The following CNTNAP5 variants were observed in gnomAD, a reference collection of about 807,000 sequenced individuals.
The protein encoded by CNTNAP5 is contactin-associated protein-like 5.
In CNTNAP5, 72 loss-of-function variants were observed where a neutral mutation model predicts 150.2. That is an observed-to-expected ratio of 0.48 (90% CI 0.40 to 0.58). CNTNAP5 has a LOEUF of 0.58. CNTNAP5 is among the 20% of genes least tolerant of loss of function. CNTNAP5 has a pLI of 0.00. For missense variants in CNTNAP5, 1,636 were observed against 1,626.2 expected, an observed-to-expected ratio of 1.01 and a Z score of -0.10; for synonymous variants, 672 against 619.8, an observed-to-expected ratio of 1.08 and a Z score of -1.25.
chr2:124,541,731 T>C (rs982287862), intron 10 of CNTNAP5, among the ~76,000 whole-genome samples: 12 of 152,126 alleles, frequency 7.9e-5, no homozygotes, highest in African/African-American at 2.7e-4. Flanking sequence ...ATCTGAGAAG[T>C]AGAGGAAAGC....
chr2:124,527,890 A>G (rs1189463874), intron 10 of CNTNAP5, among the ~76,000 whole-genome samples: 1 of 152,142 alleles, frequency 6.6e-6, no homozygotes, highest in Non-Finnish European at 1.5e-5. Context: ...GAAATGCCCA[A>G]TAACACACAA....
At chr2:124,581,758 A>T (rs1018017943) in intron 11 of CNTNAP5, among the ~76,000 whole-genome samples, 1 of 152,176 alleles carries the variant, frequency 6.6e-6, no homozygotes, top group Non-Finnish European at 1.5e-5. Context: ...AAGAAATGTG[A>T]GGTGAAGCCC....
In CNTNAP5 at chr2:124,487,680, C is replaced by G. The variant is rs144669916; in HGVS notation, c.1062+12798C>G. On this transcript the variant is annotated intron_variant, in intron 7 of 23. Transcript: ENST00000682447. ...TTCATGTGCATGGGCACATATAATC[C>G]TCCATATTGCAATCATAATGAATGC... Among the ~76,000 whole-genome samples the G allele has an allele frequency of 2.0e-3, 306 of 152,048 alleles. 1 individual carries two copies. Among genetic ancestry groups the G allele is most frequent in the African/African-American group, 6.9e-3 (288 of 41,500 alleles).
chr2:124,901,635 A>G (rs1008279045), intron 21 of CNTNAP5, among the ~76,000 whole-genome samples: 1 of 152,182 alleles, frequency 6.6e-6, no homozygotes, highest in African/African-American at 2.4e-5. Flanking sequence ...GCAGACTTCA[A>G]ACACACAGAA....
chr2:124,428,372 G>A (rs1001206807), intron 4 of CNTNAP5, among the ~76,000 whole-genome samples: 1 of 152,158 alleles, frequency 6.6e-6, no homozygotes, highest in Non-Finnish European at 1.5e-5. Context: ...CTTAGTCCTC[G>A]AGAGCAGGGA....
chr2:124,090,027 T>C (rs4241118), intron 1 of CNTNAP5, among the ~76,000 whole-genome samples: 147,806 of 152,356 alleles, frequency 0.97, 71,852 homozygotes, highest in East Asian at 1. Flanking sequence ...TCCATCTTTA[T>C]ATTCCTGGCA....
intron 3 of CNTNAP5, among the ~76,000 whole-genome samples, chr2:124,404,626 T>C (rs960203519): frequency 6.6e-6 from 1 of 152,232 alleles, no homozygotes; most frequent in Admixed American, 6.5e-5. Flanking sequence ...GAATGCTGAC[T>C]GATACTCTTT....
chr2:124,683,815 T>G (rs1021565300), intron 13 of CNTNAP5, among the ~76,000 whole-genome samples: 1 of 152,202 alleles, frequency 6.6e-6, no homozygotes, highest in Admixed American at 6.5e-5. Flanking sequence ...GAAAAAAAAG[T>G]TTTCTAGTCA....
At chr2:124,201,088 G>A (rs1274940923) in intron 1 of CNTNAP5, among the ~76,000 whole-genome samples, 1 of 152,098 alleles carries the variant, frequency 6.6e-6, no homozygotes, top group African/African-American at 2.4e-5. Flanking sequence ...TGAAGAGCAG[G>A]GCTTGTAAAT....
chr2:124,169,576 G>A lies in CNTNAP5; in HGVS notation c.83-52129G>A, dbSNP rs531423648. Among the ~76,000 whole-genome samples the A allele has an allele frequency of 9.9e-5, 15 of 152,216 alleles. No individual in the cohort carries two copies. The East Asian group carries it at 1.2e-3, about 12-fold the overall frequency. Reference sequence around the variant, plus strand: ...TTCATTTTTAGAAAAGTAATAAATCGTAATGCAATGGTGCACTTCCAGCAA... The same window carrying A: ...TTCATTTTTAGAAAAGTAATAAATCATAATGCAATGGTGCACTTCCAGCAA... On this transcript the variant is annotated intron_variant, in intron 1 of 23. Coordinates refer to ENST00000682447, the MANE Select transcript of CNTNAP5 (RefSeq NM_001367498.1).
intron 20 of CNTNAP5, among the ~76,000 whole-genome samples, chr2:124,868,803 G>A (rs985514234): frequency 6.6e-6 from 1 of 152,080 alleles, no homozygotes; most frequent in African/African-American, 2.4e-5. Context: ...TCAGGCACAT[G>A]GCTAATGGGA....
chr2:124,478,962 A>G (rs1693705723), intron 7 of CNTNAP5, among the ~76,000 whole-genome samples: 1 of 152,164 alleles, frequency 6.6e-6, no homozygotes, highest in South Asian at 2.1e-4. Context: ...GCAATCTGTC[A>G]TCTCTTTCTT....
intron 1 of CNTNAP5, among the ~76,000 whole-genome samples, chr2:124,186,066 C>T (rs1041169663): frequency 2.6e-5 from 4 of 152,184 alleles, no homozygotes; most frequent in Non-Finnish European, 4.4e-5. Flanking sequence ...TCAGAACCCC[C>T]GGAGGATTTG....
intron 11 of CNTNAP5, among the ~76,000 whole-genome samples, chr2:124,602,232 C>T (rs939049220): frequency 3.3e-5 from 5 of 150,354 alleles, no homozygotes; most frequent in Admixed American, 2.0e-4. Flanking sequence ...ATCCCAGCTA[C>T]TCGGGAGGCT....
At chr2:124,159,408 A>T (rs537207772) in intron 1 of CNTNAP5, among the ~76,000 whole-genome samples, 1 of 152,314 alleles carries the variant, frequency 6.6e-6, no homozygotes, top group South Asian at 2.1e-4. Flanking sequence ...ACAATATGTA[A>T]ATGAATGAGA....
At chr2:124,153,391 GT>G (rs1684449844) in intron 1 of CNTNAP5, among the ~76,000 whole-genome samples, 1 of 152,092 alleles carries the variant, frequency 6.6e-6, no homozygotes, top group African/African-American at 2.4e-5. Flanking sequence ...GTAGGTCAAT[GT>G]CTTAGTCAGC....
intron 4 of CNTNAP5, among the ~76,000 whole-genome samples, chr2:124,421,935 G>A (rs930400509): frequency 2.6e-5 from 4 of 152,042 alleles, no homozygotes; most frequent in African/African-American, 7.2e-5. Flanking sequence ...TTGTGGTGTC[G>A]GCCACAACCC....
chr2:124,776,866 T>C (rs899816437), intron 17 of CNTNAP5, among the ~76,000 whole-genome samples: 1 of 152,212 alleles, frequency 6.6e-6, no homozygotes, highest in African/African-American at 2.4e-5. Flanking sequence ...TTTTTTAACA[T>C]TATATAAATC....
intron 18 of CNTNAP5, among the ~76,000 whole-genome samples, chr2:124,791,280 ATTAC>A (rs1296293874): frequency 2.6e-5 from 4 of 152,204 alleles, no homozygotes; most frequent in African/African-American, 7.2e-5. Flanking sequence ...ATTAGTTTGA[ATTAC>A]TTACTTATTA....
Sources: allele counts gnomAD v4.1 joint callset (sites outside exome capture counted in the v4.1 genomes callset), GRCh38; gene constraint gnomAD v4.1.1; transcripts MANE v1.5; gene names NCBI Gene and HGNC (gene_info 2026-07-23, HGNC 2026-07-21).